The following RAD52 variants were observed in gnomAD, a reference collection of about 807,000 sequenced individuals.
RAD52 encodes RAD52 DNA repair protein, also known as DNA repair protein RAD52 homolog.
RAD52 carries 47 observed loss-of-function variants against 55.5 expected under a neutral mutation model. The observed-to-expected ratio is 0.85, with a 90% CI of 0.67 to 1.08. The LOEUF (loss-of-function observed/expected upper bound fraction) is 1.08, where lower values mean the gene tolerates loss of function less well. Ranked by LOEUF, RAD52 falls within the 50% of genes least tolerant of loss-of-function variation. The probability of loss-of-function intolerance (pLI) is 0.00; values close to 1 mark genes in which losing one functional copy is unlikely to be tolerated. For synonymous variants in RAD52, 184 were observed against 198.9 expected (o/e 0.92, Z 0.63); for missense variants, 468 against 522.8 (o/e 0.90, Z 1.02).
intron 1 of RAD52, among the ~76,000 whole-genome samples, chr12:972,030 T>A (rs1180190835): frequency 2.6e-5 from 4 of 152,132 alleles, no homozygotes; most frequent in Non-Finnish European, 5.9e-5. Context: ...CCTTTTGATT[T>A]AATAATCTCA....
Position 916,376 on chromosome 12 carries a change from C to G in RAD52, c.833G>C (p.Arg278Pro). ...CTTCTCAGCTGACGGCGTGGAGACT[C>G]GAACCTGCTGCTTCTCCATCCGCTC... ...FRERMEKQQV[R>P]VSTPSAEKSE... The change falls in exon 9 of 12, where the codon CGA becomes CCA. Residue 278 changes from arginine (R) to proline (P), a missense_variant. Coordinates refer to ENST00000358495, the MANE Select transcript of RAD52 (RefSeq NM_134424.4). The G allele has an allele frequency of 6.2e-7, 1 of 1,608,346 alleles. No homozygotes were observed. Among genetic ancestry groups the G allele is most frequent in the South Asian group, 1.1e-5 (1 of 90,974 alleles).
chr12:929,734 G>A (rs190351026), intron 5 of RAD52, 85 bp downstream of exon 5: 31 of 1,322,720 alleles, frequency 2.3e-5, no homozygotes, highest in Non-Finnish European at 3.2e-5. Flanking sequence ...CTGGGTCCCC[G>A]TCCAGCTACC....
chr12:988,754 G>A (rs749589359), intron 1 of RAD52, among the ~76,000 whole-genome samples: 24 of 152,130 alleles, frequency 1.6e-4, no homozygotes, highest in Non-Finnish European at 2.6e-4. Flanking sequence ...CCATTCTCCT[G>A]ATAACCAACA....
At chr12:916,209 C>T in intron 9 of RAD52, 135 bp downstream of exon 9, 1 of 1,467,482 alleles carries the variant, frequency 6.8e-7, no homozygotes. Flanking sequence ...ATCTCTCCTG[C>T]GTGTAGCTTG....
intron 7 of RAD52, 21 bp downstream of exon 7, chr12:925,429 A>C: frequency 6.3e-7 from 1 of 1,598,486 alleles, no homozygotes; most frequent in South Asian, 1.1e-5. Flanking sequence ...TCTTCACTCC[A>C]CTCATCCATG....
chr12:934,355 T>TAGTGCGAGCCTGTAATTCCAGCTACTC (rs1957499350), intron 1 of RAD52, among the ~76,000 whole-genome samples: 2 of 151,144 alleles, frequency 1.3e-5, no homozygotes, highest in Non-Finnish European at 2.9e-5. Flanking sequence ...TCCAGCTACT[T>TAGTGCGAGCCTGTAATTCCAGCTACTC]GGGAGGCTGA....
intron 2 of RAD52, among the ~76,000 whole-genome samples, chr12:931,580 A>G (rs1019927446): frequency 6.6e-6 from 1 of 152,208 alleles, no homozygotes; most frequent in African/African-American, 2.4e-5. Context: ...AATGAGTGTG[A>G]AAGAGGCAAA....
intron 1 of RAD52, among the ~76,000 whole-genome samples, chr12:984,139 A>G (rs1288547943): frequency 6.6e-6 from 1 of 151,228 alleles, no homozygotes; most frequent in Non-Finnish European, 1.5e-5. Context: ...CCCATTAAAC[A>G]CTCCCTCTTC....
rs1592425080 is a variant in RAD52, at chr12:942,317, G to A, written c.-19+7285C>T. Reference sequence around the variant, plus strand: ...GTACAGTCATCTTAATTTCCAAAACGCAATACAATAGCATTTTCAACAAAT... The same window carrying A: ...GTACAGTCATCTTAATTTCCAAAACACAATACAATAGCATTTTCAACAAAT... On this transcript the variant is annotated intron_variant, in intron 1 of 11. Coordinates refer to ENST00000358495, the MANE Select transcript of RAD52 (RefSeq NM_134424.4). 2.6e-5 allele frequency among the ~76,000 whole-genome samples: 4 copies of A among 152,216 alleles called. No homozygotes were observed. The South Asian group carries it at 6.2e-4, about 24-fold the overall frequency.
chr12:935,481 A>G (rs2154115821), intron 1 of RAD52, among the ~76,000 whole-genome samples: 1 of 151,564 alleles, frequency 6.6e-6, no homozygotes, highest in Non-Finnish European at 1.5e-5. Context: ...CCTGGGTTCA[A>G]GCGAATCTGC....
upstream of RAD52, among the ~76,000 whole-genome samples, chr12:953,611 C>A (rs1958565339): frequency 6.6e-6 from 1 of 152,150 alleles, no homozygotes; most frequent in Non-Finnish European, 1.5e-5. Context: ...CATGGCCGTG[C>A]CAAGTTCTTT....
intron 6 of RAD52, 87 bp from the exon 7 acceptor site, chr12:925,612 T>A: frequency 8.8e-7 from 1 of 1,140,032 alleles, no homozygotes; most frequent in Admixed American, 1.7e-5. Context: ...TTTGTACAGG[T>A]TGCTTCTCAG....
intron 3 of RAD52, among the ~76,000 whole-genome samples, chr12:930,401 G>T (rs919581160): frequency 5.3e-5 from 8 of 151,826 alleles, no homozygotes; most frequent in Non-Finnish European, 4.4e-5. Flanking sequence ...TTTTTTTCAA[G>T]AAAATTCTCA....
intron 1 of RAD52, among the ~76,000 whole-genome samples, chr12:981,378 C>T (rs1047406401): frequency 4.6e-5 from 7 of 151,734 alleles, no homozygotes; most frequent in Admixed American, 4.6e-4. Context: ...AATAAAAACC[C>T]AAAATAAATA....
At chr12:950,134 G>C (rs1958485112), upstream of RAD52, among the ~76,000 whole-genome samples, 1 of 152,200 alleles carries the variant, frequency 6.6e-6, no homozygotes, top group African/African-American at 2.4e-5. Context: ...GATTCCGCCC[G>C]GGCCGAGGCA....
intron 1 of RAD52, among the ~76,000 whole-genome samples, chr12:959,647 G>A (rs1958657379): frequency 6.6e-6 from 1 of 152,224 alleles, no homozygotes. Flanking sequence ...GGGGGCACCA[G>A]AATCCAAGAA....
intron 1 of RAD52, among the ~76,000 whole-genome samples, chr12:940,610 TAAAACAAAAC>T (rs752043486): frequency 1.3e-5 from 2 of 151,686 alleles, no homozygotes; most frequent in Non-Finnish European, 2.9e-5. Flanking sequence ...AGACTCCGTC[TAAAACAAAAC>T]AAAACAAAAC....
Position 912,399 on chromosome 12 carries a change from A to T in RAD52, c.*992T>A, listed in dbSNP as rs104895055. The T allele has an allele frequency of 1.5e-5, 3 of 202,130 alleles. No homozygotes were observed. The allele number at this position is 202,130 out of a possible 1,614,324, so 12.5% of individuals were successfully genotyped here. A position where few individuals can be genotyped will look rare whatever the true frequency, so the allele number is the denominator to read the frequency against. On this transcript the variant is annotated 3_prime_UTR_variant, in exon 12 of 12. Coordinates refer to ENST00000358495, the MANE Select transcript of RAD52 (RefSeq NM_134424.4). ...AAAATTATGTGTATGAGGCATATACACGAAACACAGGTGAATTCCACGTTC... is the reference window on the plus strand; with the variant it reads ...AAAATTATGTGTATGAGGCATATACTCGAAACACAGGTGAATTCCACGTTC...
intron 1 of RAD52, among the ~76,000 whole-genome samples, chr12:939,247 G>A (rs1415539705): frequency 2.0e-5 from 3 of 151,812 alleles, no homozygotes; most frequent in Non-Finnish European, 4.4e-5. Context: ...CAAACTCCTT[G>A]GCTCGTGATC....
Sources: allele counts gnomAD v4.1 joint callset (sites outside exome capture counted in the v4.1 genomes callset), GRCh38; gene constraint gnomAD v4.1.1; transcripts MANE v1.5; gene names NCBI Gene and HGNC (gene_info 2026-07-23, HGNC 2026-07-21).